The following DPY19L1 variants were observed in gnomAD, a reference collection of about 807,000 sequenced individuals.
DPY19L1 encodes dpy-19 like C-mannosyltransferase 1.
Under a neutral mutation model 96.9 loss-of-function variants are expected in DPY19L1, and 35 were observed. The ratio of observed to expected loss-of-function variants is 0.36; its 90% CI spans 0.28 to 0.48. DPY19L1 has a LOEUF of 0.48. Among genes scored for constraint, DPY19L1 ranks in the 20% least tolerant of loss-of-function variants. The probability of loss-of-function intolerance (pLI) is 0.99; values close to 1 mark genes in which losing one functional copy is unlikely to be tolerated. For missense variants in DPY19L1, 521 were observed against 777.9 expected, an observed-to-expected ratio of 0.67 and a Z score of 3.93; for synonymous variants, 205 against 252.6, an observed-to-expected ratio of 0.81 and a Z score of 1.79.
In DPY19L1 at chr7:34,929,414, C is replaced by G. The variant is rs1783703783; in HGVS notation, c.*2159G>C. 1 of 152,138 alleles carries G rather than the reference C, an allele frequency of 6.6e-6. No individual in the cohort carries two copies. The highest frequency in any genetic ancestry group is 2.1e-4 in the South Asian group (1 of 4,830). 9.4% of individuals were successfully genotyped at this position (152,138 alleles called of 1,614,324 possible). ...TCATAAACACTGCTACAAAAGGATC[C>G]TTCTGGAAAAAGCTAATTTATATTA... On this transcript the variant is annotated 3_prime_UTR_variant, in exon 22 of 22. Transcript: ENST00000638088.
intron 6 of DPY19L1, among the ~76,000 whole-genome samples, chr7:35,008,661 G>A (rs1785624355): frequency 6.6e-6 from 1 of 152,142 alleles, no homozygotes; most frequent in African/African-American, 2.4e-5. Context: ...TCTGTGAATA[G>A]TCACTAGACT....
In DPY19L1 at chr7:34,973,540, C is replaced by A; in HGVS notation, c.888G>T (p.Gln296His). The A allele has an allele frequency of 6.5e-7, 1 of 1,543,034 alleles. No individual in the cohort carries two copies. The highest frequency in any genetic ancestry group is 8.7e-7 in the Non-Finnish European group (1 of 1,144,336). ...ESFSYPFLVL[Q>H]MLLVTHILRA... ...TGAGAATATGAGTCACTAGCAACAT[C>A]TGAAGAACAAGAAATGGATATGAGA... The change falls in exon 8 of 22, where the codon CAG becomes CAT. Residue 296 changes from glutamine to histidine, a missense_variant. Gln to His is a conservative substitution (Grantham distance 24). Coordinates refer to ENST00000638088, the MANE Select transcript of DPY19L1 (RefSeq NM_001366673.1).
At chr7:34,949,716 A>C (rs915101824) in intron 14 of DPY19L1, 81 bp downstream of exon 14, 4 of 832,826 alleles carry the variant, frequency 4.8e-6, no homozygotes, top group Non-Finnish European at 7.8e-6. Context: ...GCACATAAAG[A>C]GTCTGATATA....
At chr7:34,985,551 G>A (rs947448858) in intron 7 of DPY19L1, among the ~76,000 whole-genome samples, 6 of 151,002 alleles carry the variant, frequency 4.0e-5, no homozygotes, top group Non-Finnish European at 1.5e-5. Context: ...GATACAAATG[G>A]CCAACAGATA....
chr7:34,954,494 T>TA (rs1784335756), intron 13 of DPY19L1: 2 of 336,222 alleles, frequency 5.9e-6, no homozygotes, highest in Non-Finnish European at 1.1e-5. Flanking sequence ...GAAGGACCAA[T>TA]AAAAAAAGAG....
intron 21 of DPY19L1, among the ~76,000 whole-genome samples, chr7:34,934,718 C>T (rs907978835): frequency 2.6e-5 from 4 of 152,184 alleles, no homozygotes; most frequent in African/African-American, 9.6e-5. Flanking sequence ...CTAGATCCCC[C>T]GCATGTGCAG....
chr7:35,019,110 A>T (rs546560395), intron 1 of DPY19L1, among the ~76,000 whole-genome samples: 67 of 152,286 alleles, frequency 4.4e-4, no homozygotes, highest in African/African-American at 1.6e-3. Context: ...CTAGTAATAA[A>T]ATCAGTCTCA....
chr7:35,026,172 C>A (rs1257392260), intron 1 of DPY19L1, among the ~76,000 whole-genome samples: 3 of 152,080 alleles, frequency 2.0e-5, no homozygotes, highest in Admixed American at 2.0e-4. Context: ...CTAGGTAGTT[C>A]TTCACAAAAT....
At position 34,928,882 on chromosome 7, in the gene DPY19L1, C is replaced by A. The variant is rs1169526852; in HGVS notation, c.*2691G>T. 1 of 152,172 alleles carries A rather than the reference C, an allele frequency of 6.6e-6. No individual in the cohort carries two copies. Among genetic ancestry groups the A allele is most frequent in the Non-Finnish European group, 1.5e-5 (1 of 68,036 alleles). 9.4% of individuals were successfully genotyped at this position (152,172 alleles called of 1,614,324 possible). On this transcript the variant is annotated 3_prime_UTR_variant, in exon 22 of 22. Transcript: ENST00000638088. ...TAACAATCAAGAAAAACACTTCCCT[C>A]ATTACTCATGATTTTTTTTAATTTA...
Position 35,011,332 on chromosome 7 carries a change from T to G in DPY19L1, c.668A>C (p.Glu223Ala). 6.2e-7 allele frequency: 1 copy of G among 1,611,862 alleles called. No homozygotes were observed. Among genetic ancestry groups the G allele is most frequent in the Non-Finnish European group, 8.5e-7 (1 of 1,179,668 alleles). The change falls in exon 5 of 22, where the codon GAA becomes GCA. Residue 223 changes from glutamate (E) to alanine (A), a missense_variant and splice_region_variant. Transcript: ENST00000638088. ...GEGLSPIESC[E>A]GLGDPACFYV... ...CAATATTACAGAAAGAAACTTACCTTCACAGCTTTCAATAGGACTGAGTCC... is the reference window on the plus strand; with the variant it reads ...CAATATTACAGAAAGAAACTTACCTGCACAGCTTTCAATAGGACTGAGTCC...
At chr7:34,951,148 T>C (rs1052208190) in intron 13 of DPY19L1, among the ~76,000 whole-genome samples, 9 of 151,994 alleles carry the variant, frequency 5.9e-5, no homozygotes, top group Non-Finnish European at 1.0e-4. Context: ...CAGTTAAAAA[T>C]ATGGATTCAA....
intron 2 of DPY19L1, 40 bp downstream of exon 2, chr7:35,018,532 C>T (rs769426776): frequency 8.9e-6 from 14 of 1,573,248 alleles, no homozygotes; most frequent in Admixed American, 3.4e-5. Context: ...AAGTTATAAA[C>T]GTCTGCATAA....
rs1360794029 is a variant in DPY19L1 at position 34,928,903 on chromosome 7, AT to A, written c.*2669del. ...CCCTCATTACTCATGATTTTTTTTAATTTAACATATATAGTACATGTAAACA... is the reference window on the plus strand; with the variant it reads ...CCCTCATTACTCATGATTTTTTTTAATTAACATATATAGTACATGTAAACA... On this transcript the variant is annotated 3_prime_UTR_variant, in exon 22 of 22. Transcript: ENST00000638088. 2 of 152,216 alleles carry A rather than the reference AT, an allele frequency of 1.3e-5. No homozygotes were observed. The highest frequency in any genetic ancestry group is 4.8e-5 in the African/African-American group (2 of 41,448). 9.4% of individuals were successfully genotyped at this position (152,216 alleles called of 1,614,324 possible).
intron 6 of DPY19L1, chr7:35,000,305 T>A (rs1785395449): frequency 6.6e-6 from 1 of 151,278 alleles, no homozygotes; most frequent in Admixed American, 6.6e-5. Flanking sequence ...AAGAAAAACC[T>A]TCCAAAAAAA....
intron 20 of DPY19L1, 112 bp from the exon 21 acceptor site, chr7:34,938,231 G>A: frequency 8.1e-7 from 1 of 1,239,794 alleles, no homozygotes. Flanking sequence ...AATCCAGTCA[G>A]GAGGAAATTC....
intron 15 of DPY19L1, among the ~76,000 whole-genome samples, chr7:34,946,709 G>A (rs1464057568): frequency 9.9e-5 from 15 of 152,212 alleles, no homozygotes; most frequent in Admixed American, 8.5e-4. Flanking sequence ...ATAGCCCAAC[G>A]ATAGGGGAAG....
chr7:34,979,430 C>A (rs1039765723), intron 7 of DPY19L1, among the ~76,000 whole-genome samples: 2 of 151,964 alleles, frequency 1.3e-5, no homozygotes, highest in African/African-American at 2.4e-5. Context: ...AATGATAATA[C>A]AACATGGAGA....
chr7:35,016,478 A>T (rs1785851134), intron 3 of DPY19L1, among the ~76,000 whole-genome samples: 1 of 152,220 alleles, frequency 6.6e-6, no homozygotes, highest in Non-Finnish European at 1.5e-5. Flanking sequence ...TACCTCAGGG[A>T]GAAATCAAAA....
chr7:34,973,180 G>A (rs1784759982), intron 8 of DPY19L1, among the ~76,000 whole-genome samples: 1 of 152,138 alleles, frequency 6.6e-6, no homozygotes, highest in South Asian at 2.1e-4. Flanking sequence ...ATACACTATA[G>A]CATGACCAGC....
Sources: gnomAD v4.1 joint callset for allele counts (sites outside exome capture counted in the v4.1 genomes callset) on GRCh38, gnomAD v4.1.1 for gene constraint, MANE v1.5 for transcripts, NCBI Gene and HGNC (gene_info 2026-07-23, HGNC 2026-07-21) for gene names.